Variants in ZBTB7B observed in about 807,000 individuals in gnomAD.
The protein encoded by ZBTB7B is zinc finger and BTB domain containing 7B.
In ZBTB7B, 8 loss-of-function variants were observed where a neutral mutation model predicts 31.0. That is an observed-to-expected ratio of 0.26 (90% CI 0.15 to 0.47). The LOEUF is 0.47. ZBTB7B is among the 20% of genes least tolerant of loss of function. The probability of loss-of-function intolerance (pLI) is 0.99; values close to 1 mark genes in which losing one functional copy is unlikely to be tolerated. For synonymous variants in ZBTB7B, 261 were observed against 307.3 expected (o/e 0.85, Z 1.58); for missense variants, 494 against 742.4 (o/e 0.67, Z 3.89).
In ZBTB7B at chr1:155,018,217, T is replaced by G; in HGVS notation, c.*1532T>G. On this transcript the variant is annotated 3_prime_UTR_variant, in exon 3 of 3. Transcript: ENST00000535420. Reference sequence around the variant, plus strand: ...GTGGGGAGGGGTCACAGGGAGGGGGTAGCGGGACCAGTCCCTGTTATCTAT... The same window carrying G: ...GTGGGGAGGGGTCACAGGGAGGGGGGAGCGGGACCAGTCCCTGTTATCTAT... 1 of 273,566 alleles carries G rather than the reference T, an allele frequency of 3.7e-6. No individual in the cohort carries two copies. The allele number at this position is 273,566 out of a possible 1,614,324, so 16.9% of individuals were successfully genotyped here.
intron 1 of ZBTB7B, among the ~76,000 whole-genome samples, chr1:155,007,160 G>A (rs1658607283): frequency 1.3e-5 from 2 of 152,204 alleles, no homozygotes; most frequent in South Asian, 4.1e-4. Flanking sequence ...ATTGCCATGG[G>A]ATGCTGTGTA....
In ZBTB7B at chr1:155,016,326, A is replaced by G; in HGVS notation, c.1261A>G (p.Met421Val). The G allele has an allele frequency of 3.7e-6, 6 of 1,614,064 alleles. No homozygotes were observed. Among genetic ancestry groups the G allele is most frequent in the Non-Finnish European group, 5.1e-6 (6 of 1,179,984 alleles). ...GCACAGCTACGACCTCAAGAACCAC[A>G]TGCACCTGCACACAGGGGACCGGCC... ...FLHSYDLKNHMHLHTGDRPYE... is the reference protein window; with the variant it reads ...FLHSYDLKNHVHLHTGDRPYE... The change falls in exon 3 of 3, where the codon ATG becomes GTG. Residue 421 changes from methionine (M) to valine (V), a missense_variant. Transcript: ENST00000535420. The surrounding 1 kb of genome is among the most constrained non-coding windows in gnomAD (Gnocchi z 4.3).
rs1403471730 is a variant in ZBTB7B, at chr1:155,015,190, G to A, written c.530G>A (p.Gly177Asp). The change falls in exon 2 of 3, where the codon GGT becomes GAT. Residue 177 changes from glycine (G) to aspartate (D), a missense_variant. Physicochemically the swap from Gly to Asp is moderately conservative, Grantham distance 94. Coordinates refer to ENST00000535420, the MANE Select transcript of ZBTB7B (RefSeq NM_001256455.2). ...GCCACGGCCTCTGGAGTTCCCAATG[G>A]TGAAGACAGTCCTCCACAGGTGCCC... ...ATATASGVPN[G>D]EDSPPQVPLP... 3 of 1,613,612 alleles carry A rather than the reference G, an allele frequency of 1.9e-6. No homozygotes were observed. The highest frequency in any genetic ancestry group is 1.3e-5 in the African/African-American group (1 of 74,906).
intron 1 of ZBTB7B, among the ~76,000 whole-genome samples, chr1:155,007,172 C>G (rs1407095966): frequency 6.6e-6 from 1 of 152,206 alleles, no homozygotes; most frequent in African/African-American, 2.4e-5. Context: ...TGCTGTGTAC[C>G]TATGATTGAC....
chr1:155,003,628 G>A lies in ZBTB7B; in HGVS notation c.-7+685G>A, dbSNP rs1248781289. Among the ~76,000 whole-genome samples, 2 of 152,190 alleles carry A rather than the reference G, an allele frequency of 1.3e-5. No homozygotes were observed. The highest frequency in any genetic ancestry group is 4.8e-5 in the African/African-American group (2 of 41,444). ...TCCCGCCGCTACCTTTTCCACGCCA[G>A]CTCATGACCACAGAACCCAAGAGCG... On this transcript the variant is annotated intron_variant, in intron 1 of 2. Transcript: ENST00000535420. This position sits in a 1 kb window ranked among gnomAD's most constrained non-coding sequence, Gnocchi z 5.8.
At chr1:155,008,847 G>A (rs1043705515) in intron 1 of ZBTB7B, among the ~76,000 whole-genome samples, 3 of 151,164 alleles carry the variant, frequency 2.0e-5, no homozygotes, top group Admixed American at 1.3e-4. Flanking sequence ...GGGCCAGGTC[G>A]TGGGCGGCCC....
rs1361798655 is a variant in ZBTB7B at position 155,017,355 on chromosome 1, G to C, written c.*670G>C. ...ATTGGCTCGCCTGCCCCTGGGGGCAGTAGAGGGGCCCCGCCCAGCTAGGGG... is the reference window on the plus strand; with the variant it reads ...ATTGGCTCGCCTGCCCCTGGGGGCACTAGAGGGGCCCCGCCCAGCTAGGGG... On this transcript the variant is annotated 3_prime_UTR_variant, in exon 3 of 3. Coordinates refer to ENST00000535420, the MANE Select transcript of ZBTB7B (RefSeq NM_001256455.2). The C allele has an allele frequency of 6.6e-6, 1 of 152,510 alleles. No individual in the cohort carries two copies. The highest frequency in any genetic ancestry group is 1.5e-5 in the Non-Finnish European group (1 of 68,370). 9.4% of individuals were successfully genotyped at this position (152,510 alleles called of 1,614,324 possible). A position where few individuals can be genotyped will look rare whatever the true frequency, so the allele number is the denominator to read the frequency against.
At chr1:155,012,142 C>G (rs930309017) in intron 1 of ZBTB7B, among the ~76,000 whole-genome samples, 3 of 152,162 alleles carry the variant, frequency 2.0e-5, no homozygotes, top group Non-Finnish European at 4.4e-5. Flanking sequence ...GCGTGGTGAA[C>G]GAGCCTGAGC....
chr1:155,013,912 G>T (rs1659176794), intron 1 of ZBTB7B: 1 of 409,070 alleles, frequency 2.4e-6, no homozygotes, highest in South Asian at 1.0e-4. Flanking sequence ...AGAAGTGGGG[G>T]ATCTAGAAGG....
intron 1 of ZBTB7B, chr1:155,011,116 C>A: frequency 1.9e-6 from 2 of 1,076,626 alleles, no homozygotes; most frequent in Non-Finnish European, 2.7e-6. Flanking sequence ...CTGCTGCCCC[C>A]CACACTAAGC....
At chr1:155,012,216 G>A (rs915950813) in intron 1 of ZBTB7B, among the ~76,000 whole-genome samples, 1 of 152,116 alleles carries the variant, frequency 6.6e-6, no homozygotes, top group Non-Finnish European at 1.5e-5. Context: ...CACGGAGACC[G>A]GCCCTGGGGT....
chr1:155,018,330 C>A lies in ZBTB7B; in HGVS notation c.*1645C>A, dbSNP rs1413284113. 1.7e-6 allele frequency: 1 copy of A among 585,852 alleles called. No individual in the cohort carries two copies. The highest frequency in any genetic ancestry group is 2.9e-5 in the East Asian group (1 of 34,794). The allele number at this position is 585,852 out of a possible 1,614,324, so 36.3% of individuals were successfully genotyped here. A position where few individuals can be genotyped will look rare whatever the true frequency, so the allele number is the denominator to read the frequency against. ...TTAGCATTTCAGGTGATGGGGGGAG[C>A]CCAGGGCTGGGGAGACCTGGGGCCC... is the stretch of plus-strand genomic sequence containing the variant. On this transcript the variant is annotated 3_prime_UTR_variant, in exon 3 of 3. Coordinates refer to ENST00000535420, the MANE Select transcript of ZBTB7B (RefSeq NM_001256455.2).
intron 1 of ZBTB7B, among the ~76,000 whole-genome samples, chr1:155,011,226 A>G (rs1658950068): frequency 6.6e-6 from 1 of 152,264 alleles, no homozygotes; most frequent in Non-Finnish European, 1.5e-5. Context: ...GGCTCAAGCC[A>G]GCAGTGTTGG....
At position 155,014,996 on chromosome 1, in the gene ZBTB7B, C is replaced by T; in HGVS notation, c.336C>T (p.Thr112=). The T allele has an allele frequency of 6.2e-7, 1 of 1,614,010 alleles. No individual in the cohort carries two copies. The highest frequency in any genetic ancestry group is 8.5e-7 in the Non-Finnish European group (1 of 1,180,026). ...AATTTGCCTATACAGCCACACTGAC[C>T]ACCAGCAGCGCCAACATGCCAGCTG... The part of the protein sequence containing the change: ...LLEFAYTATL[T]TSSANMPAVL... Residue 112 remains threonine, a synonymous_variant, in exon 2 of 3, where the codon ACC becomes ACT. Transcript: ENST00000535420.
Position 155,015,448 on chromosome 1 carries a change from C to T in ZBTB7B, c.788C>T (p.Pro263Leu), listed in dbSNP as rs1659300328. 6.3e-7 allele frequency: 1 copy of T among 1,584,522 alleles called. No homozygotes were observed. Among genetic ancestry groups the T allele is most frequent in the South Asian group, 1.1e-5 (1 of 87,500 alleles). ...SYSPPTGTAS[P>L]PEGPQSYEPY... Reference sequence around the variant, plus strand: ...AGCCCTCCCACAGGAACTGCCTCCCCTCCTGAGGGTCCCCAGAGCTACGAA... The same window carrying T: ...AGCCCTCCCACAGGAACTGCCTCCCTTCCTGAGGGTCCCCAGAGCTACGAA... Residue 263 changes from proline to leucine, a missense_variant, in exon 2 of 3, where the codon CCT (proline) becomes CTT (leucine). By Grantham distance (98) the Pro-to-Leu change is moderately conservative. Around this residue, in one of 5 missense-constraint regions of ZBTB7B, gnomAD observed 216 missense variants for 229.3 expected, o/e 0.94. Coordinates refer to ENST00000535420, the MANE Select transcript of ZBTB7B (RefSeq NM_001256455.2).
At chr1:155,012,131 T>G (rs1298592344) in intron 1 of ZBTB7B, among the ~76,000 whole-genome samples, 2 of 152,166 alleles carry the variant, frequency 1.3e-5, no homozygotes, top group African/African-American at 2.4e-5. Flanking sequence ...CTGTGTGAGT[T>G]GCGTGGTGAA....
At chr1:155,014,396 G>A (rs1659211341) in intron 1 of ZBTB7B, 2 of 510,962 alleles carry the variant, frequency 3.9e-6, no homozygotes, top group Non-Finnish European at 3.5e-6. Flanking sequence ...ACAAGGACCG[G>A]GCCCACTCCC....
Position 155,016,434 on chromosome 1 carries a change from G to A in ZBTB7B, c.1369G>A (p.Val457Met). The A allele has an allele frequency of 4.3e-6, 7 of 1,614,108 alleles. No homozygotes were observed. The highest frequency in any genetic ancestry group is 1.1e-5 in the South Asian group (1 of 91,082). ...CCTCAAAGGCCAGAACTGCCTGGAG[G>A]TGCGCACCCGACGGCGCCGCAAGGA... ...RHLKGQNCLEVRTRRRRKDDA... is the reference protein window; with the variant it reads ...RHLKGQNCLEMRTRRRRKDDA... Residue 457 changes from valine (V) to methionine (M), a missense_variant, in exon 3 of 3, where the codon GTG (valine) becomes ATG (methionine). Val to Met is a conservative substitution (Grantham distance 21). This residue lies in a region of ZBTB7B where 101 missense variants were observed against 119.5 expected (regional missense o/e 0.85). Transcript: ENST00000535420. The surrounding 1 kb of genome is among the most constrained non-coding windows in gnomAD (Gnocchi z 4.3).
In ZBTB7B at chr1:155,015,040, T is replaced by A. The variant is rs2102309651; in HGVS notation, c.380T>A (p.Leu127Gln). The A allele has an allele frequency of 6.2e-7, 1 of 1,613,960 alleles. No homozygotes were observed. The highest frequency in any genetic ancestry group is 1.3e-5 in the African/African-American group (1 of 75,012). ...NMPAVLQAAR[L>Q]LEIPCVIAAC... ...CCAGCTGTGCTCCAGGCTGCCCGCC[T>A]GCTGGAGATCCCGTGTGTCATCGCT... The change falls in exon 2 of 3, where the codon CTG (leucine) becomes CAG (glutamine). Residue 127 changes from leucine to glutamine, a missense_variant. This residue lies in a region of ZBTB7B where 90 missense variants were observed against 143.2 expected (regional missense o/e 0.63). Transcript: ENST00000535420.
Sources: gnomAD v4.1 joint callset for allele counts (sites outside exome capture counted in the v4.1 genomes callset) on GRCh38, gnomAD v4.1.1 for gene constraint, gnomAD v4.1.1 regional missense constraint, Gnocchi (gnomAD v3.1) non-coding constraint, MANE v1.5 for transcripts, NCBI Gene and HGNC (gene_info 2026-07-23, HGNC 2026-07-21) for gene names.